The following TMEM51 variants were observed in gnomAD, a reference collection of about 807,000 sequenced individuals.
TMEM51 encodes the protein chromosome 1 open reading frame 72.
Under a neutral mutation model 13.6 loss-of-function variants are expected in TMEM51, and 8 were observed. That is an observed-to-expected ratio of 0.59 (90% confidence interval 0.35 to 1.07). The LOEUF (loss-of-function observed/expected upper bound fraction) is 1.07. TMEM51 is among the 50% of genes least tolerant of loss of function. The pLI is 0.02. For missense variants in TMEM51, 279 were observed against 330.7 expected (o/e 0.84, Z 1.21); for synonymous variants, 147 against 144.4 (o/e 1.02, Z -0.13).
intron 2 of TMEM51, among the ~76,000 whole-genome samples, chr1:15,214,080 TGA>T (rs1644385577): frequency 6.6e-6 from 1 of 151,554 alleles, no homozygotes; most frequent in Non-Finnish European, 1.5e-5. Context: ...CTTGATCTCT[TGA>T]CCTCGTGATC....
chr1:15,208,380 G>T (rs1308002327), intron 1 of TMEM51, among the ~76,000 whole-genome samples: 1 of 152,134 alleles, frequency 6.6e-6, no homozygotes, highest in African/African-American at 2.4e-5. Context: ...CCAGCACTTT[G>T]GTAAGGCCGA....
At chr1:15,205,269 G>A (rs1644229261) in intron 1 of TMEM51, among the ~76,000 whole-genome samples, 1 of 152,212 alleles carries the variant, frequency 6.6e-6, no homozygotes, top group South Asian at 2.1e-4. Flanking sequence ...CAAGGACCCT[G>A]GTGATGTCAG....
Position 15,214,905 on chromosome 1 carries a change from C to T in TMEM51, c.-183C>T, listed in dbSNP as rs1282211019. ...CTGCTTTCCTTCCAGGCCCTTCCAC[C>T]GCAGCCATCCGCACGGGAGGCCTCG... is the stretch of plus-strand genomic sequence containing the variant. On this transcript the variant is annotated 5_prime_UTR_variant, in exon 3 of 4. Coordinates refer to ENST00000376008, the MANE Select transcript of TMEM51 (RefSeq NM_001136218.2). The T allele has an allele frequency of 5.0e-6, 3 of 605,860 alleles. No homozygotes were observed. The highest frequency in any genetic ancestry group is 4.4e-5 in the South Asian group (2 of 45,886). The allele number at this position is 605,860 out of a possible 1,614,324, so 37.5% of individuals were successfully genotyped here. A position where few individuals can be genotyped will look rare whatever the true frequency, so the allele number is the denominator to read the frequency against.
In TMEM51 at chr1:15,215,420, G is replaced by C. The variant is rs139846846; in HGVS notation, c.333G>C (p.Gln111His). 1.9e-6 allele frequency: 3 copies of C among 1,601,440 alleles called. No individual in the cohort carries two copies. In the African/African-American group the frequency reaches 4.0e-5, roughly 21 times the overall value. ...CGACAGGCGCTGGGCCTCACGCCCA[G>C]GAGGAAGACAGGTGAGGCCTGACTG... The part of the protein sequence containing the change: ...QHPTGAGPHA[Q>H]EEDSQEEEEE... Residue 111 changes from glutamine (Q) to histidine (H), a missense_variant, in exon 3 of 4, where the codon CAG (glutamine) becomes CAC (histidine). Coordinates refer to ENST00000376008, the MANE Select transcript of TMEM51 (RefSeq NM_001136218.2).
intron 1 of TMEM51, among the ~76,000 whole-genome samples, chr1:15,191,650 T>C (rs1643923489): frequency 6.6e-6 from 1 of 152,220 alleles, no homozygotes; most frequent in Non-Finnish European, 1.5e-5. Flanking sequence ...AGATGACTGC[T>C]ATTTTCTCTT....
chr1:15,159,859 G>T (rs1047856588), intron 1 of TMEM51, among the ~76,000 whole-genome samples: 11 of 152,110 alleles, frequency 7.2e-5, no homozygotes, highest in African/African-American at 2.7e-4. Context: ...AATGTCCCCA[G>T]AGCTTTACCA....
chr1:15,191,863 C>T (rs767105986), intron 1 of TMEM51: 52 of 425,548 alleles, frequency 1.2e-4, no homozygotes, highest in Middle Eastern at 7.9e-4. Flanking sequence ...CAGAAAGCTA[C>T]AGTAATTGAC....
rs570999217 is a variant in TMEM51 at position 15,208,759 on chromosome 1, G to T, written c.-266-1731G>T. Among the ~76,000 whole-genome samples the T allele has an allele frequency of 1.1e-4, 17 of 152,176 alleles. No homozygotes were observed. In the South Asian group the frequency reaches 3.5e-3, roughly 32 times the overall value. On this transcript the variant is annotated intron_variant, in intron 1 of 3. Transcript: ENST00000376008. ...GTTGGTGCCAATGAGGAGCAGAAAG[G>T]AAACCACTGAGGGCTGGTGAGCAGG...
chr1:15,177,666 T>G (rs1380921824), intron 1 of TMEM51, among the ~76,000 whole-genome samples: 1 of 152,126 alleles, frequency 6.6e-6, no homozygotes, highest in African/African-American at 2.4e-5. Flanking sequence ...TTTGATTGTT[T>G]TAGATTTGGG....
At chr1:15,206,675 G>A (rs1644256834) in intron 1 of TMEM51, among the ~76,000 whole-genome samples, 1 of 151,998 alleles carries the variant, frequency 6.6e-6, no homozygotes, top group African/African-American at 2.4e-5. Flanking sequence ...TTCATGCTGA[G>A]TATCAGCTGC....
chr1:15,157,757 G>A (rs986785091), intron 1 of TMEM51, among the ~76,000 whole-genome samples: 1 of 152,116 alleles, frequency 6.6e-6, no homozygotes, highest in South Asian at 2.1e-4. Flanking sequence ...GCATTTATCT[G>A]GCACTCCCTT....
chr1:15,175,482 C>A (rs1195621199), intron 1 of TMEM51, among the ~76,000 whole-genome samples: 1 of 152,160 alleles, frequency 6.6e-6, no homozygotes, highest in Non-Finnish European at 1.5e-5. Context: ...TCTATCTTGC[C>A]CATCCTCCAA....
chr1:15,191,806 A>C, intron 1 of TMEM51: 1 of 381,746 alleles, frequency 2.6e-6, no homozygotes. Context: ...TATTTTTGAG[A>C]GCTGATGTTA....
chr1:15,208,122 G>C (rs1455768692), intron 1 of TMEM51, among the ~76,000 whole-genome samples: 1 of 152,226 alleles, frequency 6.6e-6, no homozygotes, highest in Non-Finnish European at 1.5e-5. Flanking sequence ...ATACTCCAGT[G>C]AGGGAGACAG....
At chr1:15,183,847 C>G (rs1643689868) in intron 1 of TMEM51, among the ~76,000 whole-genome samples, 1 of 152,216 alleles carries the variant, frequency 6.6e-6, no homozygotes, top group Non-Finnish European at 1.5e-5. Context: ...GTTTGGAAAG[C>G]CTCACTGTGG....
intron 1 of TMEM51, among the ~76,000 whole-genome samples, chr1:15,178,479 C>T (rs1424777600): frequency 6.6e-6 from 1 of 152,174 alleles, no homozygotes; most frequent in East Asian, 1.9e-4. Context: ...CTTCATCTGG[C>T]CCAAGAATCT....
intron 1 of TMEM51, among the ~76,000 whole-genome samples, chr1:15,193,603 G>A (rs375275316): frequency 1.9e-5 from 2 of 106,830 alleles, no homozygotes; most frequent in African/African-American, 1.1e-4. Flanking sequence ...TTTGAGACAG[G>A]GTCTCACTCT....
chr1:15,158,683 G>A (rs1356677745), intron 1 of TMEM51, among the ~76,000 whole-genome samples: 1 of 152,174 alleles, frequency 6.6e-6, no homozygotes, highest in Non-Finnish European at 1.5e-5. Flanking sequence ...CCCATTCTGG[G>A]AACAGGATGG....
chr1:15,217,772 T>C (rs1644453224), intron 3 of TMEM51, among the ~76,000 whole-genome samples: 1 of 152,142 alleles, frequency 6.6e-6, no homozygotes, highest in South Asian at 2.1e-4. Context: ...ATGGGTTGGA[T>C]GGTGCCACCA....
Sources: gnomAD v4.1 joint callset for allele counts (sites outside exome capture counted in the v4.1 genomes callset) on GRCh38, gnomAD v4.1.1 for gene constraint, MANE v1.5 for transcripts, NCBI Gene and HGNC (gene_info 2026-07-23, HGNC 2026-07-21) for gene names.